The following NRXN3 variants were observed in gnomAD, a reference collection of about 807,000 sequenced individuals.
The protein encoded by NRXN3 is neurexin 3, also known as neurexin III.
NRXN3 carries 32 observed loss-of-function variants against 137.6 expected under a neutral mutation model. The observed-to-expected ratio is 0.23, with a 90% CI of 0.18 to 0.31. The LOEUF (loss-of-function observed/expected upper bound fraction) is 0.31. NRXN3 is among the 10% of genes least tolerant of loss of function. The pLI is 1.00. For missense variants in NRXN3, 1,574 were observed against 2,062.5 expected (o/e 0.76, Z 4.59); for synonymous variants, 798 against 784.5 (o/e 1.02, Z -0.29).
At chr14:78,452,375 A>G (rs2094572037) in intron 4 of NRXN3, among the ~76,000 whole-genome samples, 1 of 152,220 alleles carries the variant, frequency 6.6e-6, no homozygotes. Context: ...TGCTTAGAAG[A>G]ATGTCTGGCT....
chr14:79,847,269 A>G (rs141936802), intron 20 of NRXN3, among the ~76,000 whole-genome samples: 41 of 152,322 alleles, frequency 2.7e-4, no homozygotes, highest in African/African-American at 9.6e-4. Context: ...TCCAATAATG[A>G]TGAATTCTTA....
At chr14:78,656,825 C>T (rs997851619) in intron 6 of NRXN3, among the ~76,000 whole-genome samples, 14 of 152,038 alleles carry the variant, frequency 9.2e-5, no homozygotes, top group Admixed American at 7.9e-4. Flanking sequence ...GGGCGGATCA[C>T]GAGGTCGGGA....
At chr14:78,483,938 A>C (rs1460652661) in intron 4 of NRXN3, among the ~76,000 whole-genome samples, 1 of 150,486 alleles carries the variant, frequency 6.6e-6, no homozygotes. Flanking sequence ...CTTTTGAAGA[A>C]GGGCAAGCCA....
At chr14:78,836,318 G>T (rs1194302531) in intron 10 of NRXN3, among the ~76,000 whole-genome samples, 1 of 152,206 alleles carries the variant, frequency 6.6e-6, no homozygotes, top group Non-Finnish European at 1.5e-5. Context: ...CCCAGCTTTT[G>T]CTGCTGCCTT....
chr14:79,671,006 G>A (rs968154215), intron 17 of NRXN3, among the ~76,000 whole-genome samples: 9 of 152,120 alleles, frequency 5.9e-5, no homozygotes, highest in Non-Finnish European at 2.9e-5. Context: ...TCCCAGAGGT[G>A]TAGGAAGTGG....
intron 15 of NRXN3, among the ~76,000 whole-genome samples, chr14:79,055,083 G>A (rs2099655248): frequency 6.6e-6 from 1 of 152,090 alleles, no homozygotes; most frequent in South Asian, 2.1e-4. Context: ...CTTACTCTGG[G>A]CTCCTTCTGT....
intron 8 of NRXN3, among the ~76,000 whole-genome samples, chr14:78,773,199 A>G (rs2098733863): frequency 6.6e-6 from 1 of 152,198 alleles, no homozygotes; most frequent in South Asian, 2.1e-4. Flanking sequence ...CTTTTGTGTG[A>G]TGACTTATTG....
intron 16 of NRXN3, among the ~76,000 whole-genome samples, chr14:79,504,639 TTTTATATATATATATG>T (rs1410002049): frequency 3.2e-5 from 3 of 93,404 alleles, no homozygotes; most frequent in Non-Finnish European, 4.4e-5. Flanking sequence ...AAATGAAGTT[TTTTATATATATATATG>T]TATATATATA....
chr14:79,119,506 T>C (rs1289655258), intron 15 of NRXN3, among the ~76,000 whole-genome samples: 1 of 152,224 alleles, frequency 6.6e-6, no homozygotes, highest in African/African-American at 2.4e-5. Context: ...CATTATTAAA[T>C]ATTGCCTTTT....
intron 20 of NRXN3, among the ~76,000 whole-genome samples, chr14:79,833,711 C>G (rs541643835): frequency 6.6e-6 from 1 of 152,266 alleles, no homozygotes; most frequent in South Asian, 2.1e-4. Flanking sequence ...CTCTATCAGT[C>G]TCTTAGCAGC....
rs560987092 is a variant in NRXN3 at position 78,514,827 on chromosome 14, G to T, written c.758-130293G>T. On this transcript the variant is annotated intron_variant, in intron 4 of 20. Coordinates refer to ENST00000335750, the MANE Select transcript of NRXN3 (RefSeq NM_001330195.2). ...AATCAGGGAGGACCACTTGGGTTGG[G>T]TGATATTTAAGCTGAGATTTGAATG... Among the ~76,000 whole-genome samples the T allele has an allele frequency of 2.3e-4, 35 of 152,234 alleles. No individual in the cohort carries two copies. The South Asian group carries it at 5.4e-3, about 23-fold the overall frequency.
chr14:79,829,417 G>T lies in NRXN3; in HGVS notation c.4093+24227G>T, dbSNP rs1224878989. On this transcript the variant is annotated intron_variant, in intron 20 of 20. Coordinates refer to ENST00000335750, the MANE Select transcript of NRXN3 (RefSeq NM_001330195.2). ...CAGCAGGTTTTCTGTTATTGCCCATGCATGGTCACTCTCTGCTTATAAAAA... is the reference window on the plus strand; with the variant it reads ...CAGCAGGTTTTCTGTTATTGCCCATTCATGGTCACTCTCTGCTTATAAAAA... Among the ~76,000 whole-genome samples the T allele has an allele frequency of 3.9e-5, 6 of 152,132 alleles. No individual in the cohort carries two copies. In the East Asian group the frequency reaches 9.6e-4, roughly 24 times the overall value.
intron 15 of NRXN3, among the ~76,000 whole-genome samples, chr14:79,003,965 AG>A (rs1832668890): frequency 6.6e-6 from 1 of 152,190 alleles, no homozygotes; most frequent in Non-Finnish European, 1.5e-5. Context: ...ACATGCCAGA[AG>A]GGGGTTGGTG....
chr14:79,189,800 A>C (rs571968527), intron 15 of NRXN3, among the ~76,000 whole-genome samples: 7 of 152,188 alleles, frequency 4.6e-5, no homozygotes, highest in Non-Finnish European at 8.8e-5. Context: ...AAAGTCATAC[A>C]TCTGTATACA....
intron 6 of NRXN3, among the ~76,000 whole-genome samples, chr14:78,669,836 C>T (rs533648855): frequency 1.3e-4 from 20 of 151,928 alleles, no homozygotes; most frequent in African/African-American, 3.6e-4. Flanking sequence ...TTTTGGCTGG[C>T]GGGATTTTTT....
chr14:79,641,021 T>C lies in NRXN3; in HGVS notation c.3445-22757T>C, dbSNP rs1165535341. ...GAATAAATTATAATCTCCACGTTTTTTTTTGAGACAGAGTCTCGCTCTGTC... is the reference window on the plus strand; with the variant it reads ...GAATAAATTATAATCTCCACGTTTTCTTTTGAGACAGAGTCTCGCTCTGTC... On this transcript the variant is annotated intron_variant, in intron 16 of 20. Coordinates refer to ENST00000335750, the MANE Select transcript of NRXN3 (RefSeq NM_001330195.2). Among the ~76,000 whole-genome samples, 2 of 134,284 alleles carry C rather than the reference T, an allele frequency of 1.5e-5. 1 individual carries two copies. Among genetic ancestry groups the C allele is most frequent in the Non-Finnish European group, 3.5e-5 (2 of 57,768 alleles). 88.1% of individuals were successfully genotyped at this position (134,284 alleles called of 152,430 possible).
At chr14:78,363,332 ATTTCC>A (rs1055621800) in intron 4 of NRXN3, among the ~76,000 whole-genome samples, 1 of 152,170 alleles carries the variant, frequency 6.6e-6, no homozygotes, top group African/African-American at 2.4e-5. Flanking sequence ...TGCCTCATTT[ATTTCC>A]TTTTAAAGAT....
intron 1 of NRXN3, among the ~76,000 whole-genome samples, chr14:78,229,540 A>G (rs1361610263): frequency 1.3e-5 from 2 of 152,026 alleles, no homozygotes; most frequent in Non-Finnish European, 2.9e-5. Context: ...TCTGTGATCT[A>G]TTCTACTGCC....
chr14:79,270,414 A>G (rs181387264), intron 15 of NRXN3, among the ~76,000 whole-genome samples: 1 of 152,224 alleles, frequency 6.6e-6, no homozygotes, highest in Non-Finnish European at 1.5e-5. Context: ...ACTGTGGACA[A>G]TTGGAGATAA....
Sources: gnomAD v4.1 joint callset for allele counts (sites outside exome capture counted in the v4.1 genomes callset) on GRCh38, gnomAD v4.1.1 for gene constraint, MANE v1.5 for transcripts, NCBI Gene and HGNC (gene_info 2026-07-23, HGNC 2026-07-21) for gene names.